Variants in KCNMA1 observed in about 807,000 individuals in gnomAD.
KCNMA1 encodes Calcium-activated potassium channel subunit alpha-1.
A neutral mutation model predicts 140.0 loss-of-function variants in KCNMA1; 29 were observed. The ratio of observed to expected loss-of-function variants is 0.21; its 90% CI spans 0.15 to 0.28. The LOEUF (loss-of-function observed/expected upper bound fraction) is 0.28, where lower values mean the gene tolerates loss of function less well. KCNMA1 is among the 10% of genes least tolerant of loss of function. The pLI is 1.00. For missense variants in KCNMA1, 880 were observed against 1,602.2 expected, an observed-to-expected ratio of 0.55 and a Z score of 7.70; for synonymous variants, 612 against 611.9, an observed-to-expected ratio of 1.00 and a Z score of 0.00.
intron 14 of KCNMA1, among the ~76,000 whole-genome samples, chr10:77,045,306 T>C (rs2094977390): frequency 1.3e-5 from 2 of 152,208 alleles, no homozygotes; most frequent in African/African-American, 4.8e-5. Flanking sequence ...AGGCAGAGCA[T>C]TTCCTGAGGC....
chr10:77,555,340 T>C (rs753405359), intron 1 of KCNMA1, among the ~76,000 whole-genome samples: 2 of 152,080 alleles, frequency 1.3e-5, no homozygotes, highest in African/African-American at 2.4e-5. Flanking sequence ...TTCTGGCTAT[T>C]ATAGGATGAG....
chr10:77,281,478 A>G (rs1294674285), intron 2 of KCNMA1, among the ~76,000 whole-genome samples: 2 of 152,234 alleles, frequency 1.3e-5, no homozygotes, highest in Admixed American at 1.3e-4. Context: ...CCCAGGACCC[A>G]AAACCATAAC....
intron 14 of KCNMA1, among the ~76,000 whole-genome samples, chr10:77,052,039 A>C (rs1197476959): frequency 6.6e-6 from 1 of 152,192 alleles, no homozygotes; most frequent in Non-Finnish European, 1.5e-5. Flanking sequence ...GATGATGCTG[A>C]TGATGCTGAT....
intron 9 of KCNMA1, among the ~76,000 whole-genome samples, chr10:77,096,331 C>A (rs1246752187): frequency 6.6e-6 from 1 of 152,126 alleles, no homozygotes; most frequent in African/African-American, 2.4e-5. Context: ...ACTGATGAAT[C>A]CTCACACAGG....
intron 15 of KCNMA1, among the ~76,000 whole-genome samples, chr10:77,028,096 C>T (rs1465089055): frequency 6.6e-6 from 1 of 152,156 alleles, no homozygotes; most frequent in East Asian, 1.9e-4. Context: ...TGATAAGGTG[C>T]TGGATGCTCA....
intron 14 of KCNMA1, among the ~76,000 whole-genome samples, chr10:77,057,788 G>A (rs2095595031): frequency 1.3e-5 from 2 of 151,604 alleles, no homozygotes; most frequent in Admixed American, 1.3e-4. Context: ...TTCTGAAAAT[G>A]TTCAAAATGA....
chr10:77,266,012 C>T (rs1473509876), intron 2 of KCNMA1, among the ~76,000 whole-genome samples: 4 of 148,086 alleles, frequency 2.7e-5, no homozygotes, highest in South Asian at 2.1e-4. Flanking sequence ...GCCTGGGAGG[C>T]GGAGGTTGCA....
intron 1 of KCNMA1, among the ~76,000 whole-genome samples, chr10:77,499,731 A>G (rs1221821796): frequency 2.6e-5 from 4 of 152,178 alleles, no homozygotes; most frequent in African/African-American, 9.6e-5. Context: ...CAAAACAAGG[A>G]ATTCAACAAC....
intron 1 of KCNMA1, among the ~76,000 whole-genome samples, chr10:77,509,607 G>A (rs1373042758): frequency 1.3e-5 from 2 of 152,042 alleles, no homozygotes; most frequent in African/African-American, 4.8e-5. Context: ...TTACATTCCC[G>A]CCAGCAATGG....
At chr10:76,889,662 G>A (rs2151803190) in intron 26 of KCNMA1, 93 bp from the exon 27 acceptor site, 1 of 1,026,692 alleles carries the variant, frequency 9.7e-7, no homozygotes, top group Non-Finnish European at 1.5e-6. Flanking sequence ...ATCAAAGCTT[G>A]TTTTGGTGTC....
intron 3 of KCNMA1, among the ~76,000 whole-genome samples, chr10:77,223,153 C>T (rs1315623496): frequency 2.6e-5 from 4 of 151,948 alleles, no homozygotes; most frequent in East Asian, 3.9e-4. Context: ...TGCTTGAACC[C>T]GGGAGGCAGG....
intron 14 of KCNMA1, among the ~76,000 whole-genome samples, chr10:77,052,391 C>T (rs1007652252): frequency 3.3e-5 from 5 of 152,138 alleles, no homozygotes; most frequent in African/African-American, 1.2e-4. Flanking sequence ...GCACCATTAA[C>T]ATGATGCAGG....
chr10:77,592,786 G>A (rs1222085874), intron 1 of KCNMA1, among the ~76,000 whole-genome samples: 4 of 152,138 alleles, frequency 2.6e-5, no homozygotes, highest in African/African-American at 9.7e-5. Flanking sequence ...TTACAATAAT[G>A]CTGGAGGACC....
intron 1 of KCNMA1, among the ~76,000 whole-genome samples, chr10:77,630,345 C>T (rs924607951): frequency 2.2e-4 from 33 of 152,238 alleles, no homozygotes; most frequent in African/African-American, 7.5e-4. Context: ...GCAGAATGAC[C>T]AACTGGCACG....
chr10:76,885,033 T>C lies in KCNMA1; in HGVS notation c.*2233A>G. On this transcript the variant is annotated 3_prime_UTR_variant, in exon 28 of 28. Transcript: ENST00000286628. ...CCTTGTTGCACTTTAGAGAGAGAAGTAAGCTATGTGAGTTTTACAATGCTT... is the reference window on the plus strand; with the variant it reads ...CCTTGTTGCACTTTAGAGAGAGAAGCAAGCTATGTGAGTTTTACAATGCTT... The C allele has an allele frequency of 6.5e-7, 1 of 1,548,156 alleles. No homozygotes were observed. Among genetic ancestry groups the C allele is most frequent in the East Asian group, 2.5e-5 (1 of 40,732 alleles).
At chr10:77,079,141 A>G (rs1595476217) in intron 13 of KCNMA1, among the ~76,000 whole-genome samples, 1 of 152,114 alleles carries the variant, frequency 6.6e-6, no homozygotes, top group East Asian at 1.9e-4. Flanking sequence ...ATGGTGGCGC[A>G]TGCCTGTAAT....
intron 1 of KCNMA1, among the ~76,000 whole-genome samples, chr10:77,505,470 G>A (rs749193697): frequency 6.6e-6 from 1 of 152,246 alleles, no homozygotes; most frequent in Admixed American, 6.5e-5. Context: ...TGCCATTAGA[G>A]AGGAAATGGG....
intron 1 of KCNMA1, among the ~76,000 whole-genome samples, chr10:77,414,992 T>C (rs961327665): frequency 2.6e-5 from 4 of 152,218 alleles, no homozygotes; most frequent in African/African-American, 9.6e-5. Context: ...TGTTTACTAC[T>C]ACTACTGAAA....
intron 12 of KCNMA1, among the ~76,000 whole-genome samples, chr10:77,083,016 A>C (rs188591202): frequency 5.3e-4 from 81 of 152,346 alleles, no homozygotes; most frequent in African/African-American, 1.9e-3. Context: ...AAACATTGTC[A>C]GGATGTAAAG....
Sources: allele counts gnomAD v4.1 joint callset (sites outside exome capture counted in the v4.1 genomes callset), GRCh38; gene constraint gnomAD v4.1.1; transcripts MANE v1.5; gene names NCBI Gene and HGNC (gene_info 2026-07-23, HGNC 2026-07-21).